Variants in CLVS1 observed in about 807,000 individuals in gnomAD.
CLVS1 encodes the protein clavesin 1, also known as clavesin-1.
CLVS1 carries 10 observed loss-of-function variants against 33.1 expected under a neutral mutation model. The ratio of observed to expected loss-of-function variants is 0.30; its 90% CI spans 0.19 to 0.51. The LOEUF is 0.51. Ranked by LOEUF, CLVS1 falls within the 20% of genes least tolerant of loss-of-function variation. The pLI is 0.97. For synonymous variants in CLVS1, 163 were observed against 166.1 expected (o/e 0.98, Z 0.14); for missense variants, 343 against 433.4 (o/e 0.79, Z 1.85).
the CLVS1 span, among the ~76,000 whole-genome samples, chr8:61,034,559 C>T: frequency 1.3e-5 from 2 of 152,106 alleles, no homozygotes; most frequent in East Asian, 1.9e-4. Context: ...AATCACCATT[C>T]CCCTCTCTGC....
At chr8:61,107,693 G>A (rs913284060) in intron 1 of CLVS1, among the ~76,000 whole-genome samples, 9 of 152,206 alleles carry the variant, frequency 5.9e-5, no homozygotes. Flanking sequence ...GATGAGCATC[G>A]CTGCTTCATC....
At chr8:61,220,327 A>AT (rs142248212) in intron 2 of CLVS1, among the ~76,000 whole-genome samples, 72,984 of 151,970 alleles carry the variant, frequency 0.48, 18,334 homozygotes, top group East Asian at 0.82. Context: ...TCTTGAGTTA[A>AT]TTTTTGTATA....
At chr8:61,281,471 G>A (rs928154761) in intron 2 of CLVS1, among the ~76,000 whole-genome samples, 2 of 152,156 alleles carry the variant, frequency 1.3e-5, no homozygotes, top group African/African-American at 4.8e-5. Flanking sequence ...AAGACCATGT[G>A]AGGACACAGT....
At chr8:61,141,349 T>TA (rs1177087231) in intron 2 of CLVS1, among the ~76,000 whole-genome samples, 2 of 152,198 alleles carry the variant, frequency 1.3e-5, no homozygotes, top group African/African-American at 4.8e-5. Context: ...TAAAAAAAGT[T>TA]ACAGCATTTG....
In CLVS1 at chr8:61,066,889, T is replaced by C. The variant is rs527262775; in HGVS notation, c.-243+9659T>C. Among the ~76,000 whole-genome samples the C allele has an allele frequency of 6.6e-5, 10 of 152,338 alleles. No homozygotes were observed. The East Asian group carries it at 1.3e-3, about 21-fold the overall frequency. On this transcript the variant is annotated intron_variant, in intron 1 of 2. Coordinates refer to the CLVS1 transcript ENST00000522621. The stretch of plus-strand genomic sequence containing the variant: ...TCCATACATGTCCATCTGTAGTTTT[T>C]CTGCAAAAGCCAGGCTGGTGCCACA...
intron 2 of CLVS1, among the ~76,000 whole-genome samples, chr8:61,212,030 A>G (rs1807980270): frequency 6.6e-6 from 1 of 152,194 alleles, no homozygotes; most frequent in Admixed American, 6.5e-5. Flanking sequence ...TGACACATTA[A>G]TTTTGGCTCA....
At chr8:61,165,778 G>A (rs936064572) in intron 2 of CLVS1, among the ~76,000 whole-genome samples, 2 of 152,166 alleles carry the variant, frequency 1.3e-5, no homozygotes, top group South Asian at 2.1e-4. Flanking sequence ...GCTGTGTCAC[G>A]GGCCATGGTC....
intron 2 of CLVS1, among the ~76,000 whole-genome samples, chr8:61,225,088 G>A (rs1277385441): frequency 6.6e-6 from 1 of 152,106 alleles, no homozygotes; most frequent in Non-Finnish European, 1.5e-5. Flanking sequence ...AGGCTGAGGC[G>A]GGTGGATCGC....
chr8:61,485,963 G>T (rs978577859), intron 5 of CLVS1, among the ~76,000 whole-genome samples: 2 of 152,084 alleles, frequency 1.3e-5, no homozygotes, highest in Non-Finnish European at 2.9e-5. Context: ...GGGGGCAGTG[G>T]GGAGGGATAG....
intron 2 of CLVS1, among the ~76,000 whole-genome samples, chr8:61,235,478 A>G (rs1057253300): frequency 3.9e-5 from 6 of 152,244 alleles, no homozygotes; most frequent in South Asian, 2.1e-4. Context: ...GAGAGGTCAC[A>G]TTTTGTAGAA....
At chr8:61,041,760 C>A in the CLVS1 span, among the ~76,000 whole-genome samples, 2 of 152,132 alleles carry the variant, frequency 1.3e-5, no homozygotes, top group African/African-American at 4.8e-5. Context: ...GGTCTAGGAG[C>A]ATTTTGGCAG....
intron 2 of CLVS1, among the ~76,000 whole-genome samples, chr8:61,355,719 C>T (rs1812672432): frequency 6.6e-6 from 1 of 151,584 alleles, no homozygotes; most frequent in Non-Finnish European, 1.5e-5. Context: ...CAATTTCATC[C>T]ATGTCCCTAC....
intron 5 of CLVS1, among the ~76,000 whole-genome samples, chr8:61,473,735 A>G (rs1817816148): frequency 6.6e-6 from 1 of 152,204 alleles, no homozygotes; most frequent in Admixed American, 6.5e-5. Flanking sequence ...GATCAAGTGG[A>G]TATTGGGATG....
chr8:61,452,418 C>G (rs1032453319), intron 3 of CLVS1, among the ~76,000 whole-genome samples: 3 of 152,092 alleles, frequency 2.0e-5, no homozygotes, highest in Non-Finnish European at 2.9e-5. Context: ...TTCTGTCACC[C>G]CTCAGAACCA....
At chr8:61,227,276 AG>A (rs1255402150) in intron 2 of CLVS1, among the ~76,000 whole-genome samples, 3 of 150,050 alleles carry the variant, frequency 2.0e-5, no homozygotes, top group Non-Finnish European at 3.0e-5. Context: ...TAGCTCTTCA[AG>A]GATTAGGCGA....
chr8:61,071,939 T>C (rs757396622), intron 1 of CLVS1, among the ~76,000 whole-genome samples: 4 of 152,224 alleles, frequency 2.6e-5, no homozygotes, highest in Non-Finnish European at 5.9e-5. Flanking sequence ...AATCACACCC[T>C]GCCACTCTTA....
chr8:61,221,355 T>G (rs1808212608), intron 2 of CLVS1, among the ~76,000 whole-genome samples: 1 of 152,206 alleles, frequency 6.6e-6, no homozygotes, highest in African/African-American at 2.4e-5. Context: ...TGAGATATAT[T>G]CCATCAATAC....
At chr8:61,020,807 A>G in the CLVS1 span, among the ~76,000 whole-genome samples, 13 of 152,314 alleles carry the variant, frequency 8.5e-5, no homozygotes, top group South Asian at 1.4e-3. Flanking sequence ...GAATTTAGAG[A>G]TGCTTTGCTT....
chr8:61,418,442 G>A (rs1297110436), intron 3 of CLVS1, among the ~76,000 whole-genome samples: 2 of 152,198 alleles, frequency 1.3e-5, no homozygotes, highest in East Asian at 3.9e-4. Context: ...CCAAATAAAA[G>A]CAAAGACAAT....
Sources: gnomAD v4.1 joint callset for allele counts (sites outside exome capture counted in the v4.1 genomes callset) on GRCh38, gnomAD v4.1.1 for gene constraint, MANE v1.5 for transcripts, NCBI Gene and HGNC (gene_info 2026-07-23, HGNC 2026-07-21) for gene names.